The following DPH6 variants were observed in gnomAD, a reference collection of about 807,000 sequenced individuals.
The protein encoded by DPH6 is diphthamine biosynthesis 6.
DPH6 carries 33 observed loss-of-function variants against 38.2 expected under a neutral mutation model. That is an observed-to-expected ratio of 0.86 (90% CI 0.65 to 1.15). The LOEUF is 1.15. DPH6 is among the 50% of genes most tolerant of loss of function. The probability of loss-of-function intolerance (pLI) is 0.00; values close to 1 mark genes in which losing one functional copy is unlikely to be tolerated. For synonymous variants in DPH6, 108 were observed against 103.0 expected, an observed-to-expected ratio of 1.05 and a Z score of -0.30; for missense variants, 325 against 320.0, an observed-to-expected ratio of 1.02 and a Z score of -0.12.
chr15:35,516,921 T>C (rs1446776238), intron 3 of DPH6, among the ~76,000 whole-genome samples: 2 of 152,176 alleles, frequency 1.3e-5, no homozygotes, highest in African/African-American at 4.8e-5. Flanking sequence ...CAAATTTTGC[T>C]TGTGGTTCCA....
In DPH6 at chr15:35,347,032, G is replaced by T. The variant is rs147181598; in HGVS notation, n.208-15955C>A. On this transcript the variant is annotated intron_variant and non_coding_transcript_variant, in intron 3 of 3. Transcript: ENST00000558973. ...TATAGCATAAAATTTACAATCTTGA[G>T]TATTTTTAAGTGTACAGTACAGTAT... 3.0e-3 allele frequency among the ~76,000 whole-genome samples: 450 copies of T among 152,118 alleles called. 1 individual carries two copies. The highest frequency in any genetic ancestry group is 1.0e-2 in the African/African-American group (414 of 41,526).
At chr15:35,501,263 A>G (rs371243482) in intron 3 of DPH6, among the ~76,000 whole-genome samples, 1 of 152,180 alleles carries the variant, frequency 6.6e-6, no homozygotes, top group Non-Finnish European at 1.5e-5. Context: ...TTTCTATTAA[A>G]AATAATCTCT....
intron 3 of DPH6, among the ~76,000 whole-genome samples, chr15:35,467,611 C>T (rs1327466737): frequency 6.6e-6 from 1 of 152,080 alleles, no homozygotes; most frequent in Non-Finnish European, 1.5e-5. Flanking sequence ...AAGACACAAG[C>T]ACATGCATTA....
intron 3 of DPH6, among the ~76,000 whole-genome samples, chr15:35,231,693 G>C (rs1034073121): frequency 1.3e-5 from 2 of 152,126 alleles, no homozygotes; most frequent in Non-Finnish European, 2.9e-5. Flanking sequence ...GATTTACTTG[G>C]CTTAGTTCTG....
At chr15:35,186,471 A>T in the DPH6 span, among the ~76,000 whole-genome samples, 1 of 152,156 alleles carries the variant, frequency 6.6e-6, no homozygotes, top group African/African-American at 2.4e-5. Context: ...TCATTTCCAC[A>T]TAAGTACCCC....
intron 3 of DPH6, among the ~76,000 whole-genome samples, chr15:35,485,645 C>A (rs952606063): frequency 5.9e-5 from 9 of 152,148 alleles, no homozygotes; most frequent in Non-Finnish European, 1.3e-4. Flanking sequence ...CTTCCTTGCC[C>A]ATGCTTTATT....
intron 3 of DPH6, among the ~76,000 whole-genome samples, chr15:35,315,050 T>G (rs1348878609): frequency 1.3e-5 from 2 of 152,178 alleles, no homozygotes; most frequent in Non-Finnish European, 2.9e-5. Flanking sequence ...GCTCAGCAAC[T>G]TGATGAGATG....
At chr15:35,237,296 G>C (rs560476955) in intron 3 of DPH6, 1 of 1,556,078 alleles carries the variant, frequency 6.4e-7, no homozygotes, top group African/African-American at 1.4e-5. Flanking sequence ...AATTCCAGCG[G>C]CGCGGGAGCC....
At chr15:35,298,432 C>G in intron 3 of DPH6, 1 of 748,452 alleles carries the variant, frequency 1.3e-6, no homozygotes, top group Non-Finnish European at 2.5e-6. Flanking sequence ...TTTCAAACAA[C>G]ACACTTTCCC....
intron 3 of DPH6, among the ~76,000 whole-genome samples, chr15:35,361,686 T>C (rs1007939425): frequency 3.3e-5 from 5 of 151,762 alleles, no homozygotes; most frequent in Non-Finnish European, 7.4e-5. Context: ...TCCTGATTCC[T>C]TCTTCTGCTT....
At chr15:35,148,003 C>T in the DPH6 span, among the ~76,000 whole-genome samples, 2 of 152,150 alleles carry the variant, frequency 1.3e-5, no homozygotes, top group Non-Finnish European at 2.9e-5. Flanking sequence ...TAGAAACTGA[C>T]TTGATTTGAT....
At chr15:35,383,573 T>C (rs1390180947) in intron 6 of DPH6, among the ~76,000 whole-genome samples, 1 of 152,272 alleles carries the variant, frequency 6.6e-6, no homozygotes, top group African/African-American at 2.4e-5. Context: ...CGATATTGCC[T>C]CTATAAATGA....
At chr15:35,280,997 A>G (rs1024796665) in intron 3 of DPH6, among the ~76,000 whole-genome samples, 2 of 152,196 alleles carry the variant, frequency 1.3e-5, no homozygotes, top group African/African-American at 4.8e-5. Flanking sequence ...GTACATGTGC[A>G]CAATGTGCAG....
intron 5 of DPH6, among the ~76,000 whole-genome samples, chr15:35,419,068 T>TACACAC (rs145718698): frequency 0.049 from 7,056 of 144,956 alleles, 477 homozygotes; most frequent in African/African-American, 0.15. Context: ...CACACACACA[T>TACACAC]ACACACACAC....
At chr15:35,179,216 A>AG in the DPH6 span, among the ~76,000 whole-genome samples, 43 of 150,526 alleles carry the variant, frequency 2.9e-4, 2 homozygotes, top group Non-Finnish European at 5.9e-5. Context: ...AAAAAAAAAA[A>AG]AAAAAAAAAA....
intron 3 of DPH6, among the ~76,000 whole-genome samples, chr15:35,355,183 G>T (rs1457416181): frequency 2.6e-5 from 4 of 152,236 alleles, no homozygotes; most frequent in African/African-American, 9.6e-5. Flanking sequence ...GTGTGTCTCT[G>T]CATGTGAGAT....
In DPH6 at chr15:35,450,722, AGAT is replaced by A. The variant is rs1439436876; in HGVS notation, c.465_467del (p.Ser156del). 6.2e-7 allele frequency: 1 copy of A among 1,613,374 alleles called. No homozygotes were observed. Among genetic ancestry groups the A allele is most frequent in the Admixed American group, 1.7e-5 (1 of 59,954 alleles). Reference sequence around the variant, plus strand: ...CTTTGATGATCATTGCTTGAATGTTAGATGATATCATCTCTCTGAGCAAATCTT... The same window carrying A: ...CTTTGATGATCATTGCTTGAATGTTAGATATCATCTCTCTGAGCAAATCTT... On this transcript the variant is annotated inframe_deletion, in exon 5 of 9. Coordinates refer to ENST00000256538, the MANE Select transcript of DPH6 (RefSeq NM_080650.4).
At chr15:35,266,622 T>A (rs1022074441) in intron 3 of DPH6, among the ~76,000 whole-genome samples, 2 of 152,204 alleles carry the variant, frequency 1.3e-5, no homozygotes, top group Non-Finnish European at 2.9e-5. Context: ...GTATTTTGAA[T>A]ATTACTCCTG....
At chr15:35,438,745 A>C (rs1481243519) in intron 5 of DPH6, among the ~76,000 whole-genome samples, 1 of 152,242 alleles carries the variant, frequency 6.6e-6, no homozygotes, top group Non-Finnish European at 1.5e-5. Context: ...GGAAGATAAA[A>C]AGTGTGGTGC....
Sources: gnomAD v4.1 joint callset for allele counts (sites outside exome capture counted in the v4.1 genomes callset) on GRCh38, gnomAD v4.1.1 for gene constraint, MANE v1.5 for transcripts, NCBI Gene and HGNC (gene_info 2026-07-23, HGNC 2026-07-21) for gene names.